Variants in HDAC9 observed in about 807,000 individuals in gnomAD.
HDAC9 encodes histone deacetylase 9, also known as MEF-2 interacting transcription repressor (MITR) protein.
HDAC9 carries 41 observed loss-of-function variants against 139.4 expected under a neutral mutation model. The ratio of observed to expected loss-of-function variants is 0.29; its 90% CI spans 0.23 to 0.38. The LOEUF is 0.38. Among genes scored for constraint, HDAC9 ranks in the 10% least tolerant of loss-of-function variants. The probability of loss-of-function intolerance (pLI) is 1.00; values close to 1 mark genes in which losing one functional copy is unlikely to be tolerated. For synonymous variants in HDAC9, 517 were observed against 476.2 expected, an observed-to-expected ratio of 1.09 and a Z score of -1.12; for missense variants, 1,147 against 1,297.0, an observed-to-expected ratio of 0.88 and a Z score of 1.78.
At chr7:18,176,515 A>G (rs934557428) in intron 2 of HDAC9, among the ~76,000 whole-genome samples, 6 of 152,304 alleles carry the variant, frequency 3.9e-5, no homozygotes, top group Admixed American at 1.3e-4. Flanking sequence ...TAACCCAGTG[A>G]CTGTTAACTA....
intron 22 of HDAC9, among the ~76,000 whole-genome samples, chr7:18,919,979 G>A (rs1219088422): frequency 6.6e-6 from 1 of 152,004 alleles, no homozygotes; most frequent in Non-Finnish European, 1.5e-5. Flanking sequence ...TGGCAATGCG[G>A]GCTCTTTTTT....
In HDAC9 at chr7:18,905,407, C is replaced by A. The variant is rs116508524; in HGVS notation, c.2804-30402C>A. Among the ~76,000 whole-genome samples, 1,385 of 152,306 alleles carry A rather than the reference C, an allele frequency of 9.1e-3. 27 individuals carry two copies. Among genetic ancestry groups the A allele is most frequent in the African/African-American group, 0.031 (1,309 of 41,566 alleles). On this transcript the variant is annotated intron_variant, in intron 22 of 25. Transcript: ENST00000686413. ...ATAAGCTAAATTCAAAGCTTCTTCA[C>A]GTAGATTTTTGAAAGTCCATTTTTC... is the stretch of plus-strand genomic sequence containing the variant.
Position 18,712,777 on chromosome 7 carries a change from G to T in HDAC9, c.1732-14803G>T, listed in dbSNP as rs74654451. Among the ~76,000 whole-genome samples the T allele has an allele frequency of 2.9e-3, 447 of 152,220 alleles. 5 individuals carry two copies. The highest frequency in any genetic ancestry group is 0.022 in the Admixed American group (330 of 15,292). The stretch of plus-strand genomic sequence containing the variant: ...AGTATAATTTTGAATAGCAATGTTT[G>T]ATACTTTACAAATTATAATAGCATG... On this transcript the variant is annotated intron_variant, in intron 12 of 25. Transcript: ENST00000686413.
chr7:18,123,346 A>G (rs1744840035), intron 1 of HDAC9, among the ~76,000 whole-genome samples: 1 of 152,204 alleles, frequency 6.6e-6, no homozygotes, highest in African/African-American at 2.4e-5. Flanking sequence ...ACAAATATGT[A>G]ACCCCCCGAT....
chr7:18,220,157 T>A (rs571548173), intron 2 of HDAC9, among the ~76,000 whole-genome samples: 1 of 152,260 alleles, frequency 6.6e-6, no homozygotes, highest in African/African-American at 2.4e-5. Context: ...CATAACAAAA[T>A]GAAAAATTCA....
intron 24 of HDAC9, among the ~76,000 whole-genome samples, chr7:18,962,115 T>A (rs6461397): frequency 0.8 from 121,137 of 152,136 alleles, 48,436 homozygotes; most frequent in South Asian, 0.83. Context: ...TGTAAAATAC[T>A]TCTAATCAGA....
In HDAC9 at chr7:18,982,741, A is replaced by C. The variant is rs1045606653; in HGVS notation, c.3170+6788A>C. Among the ~76,000 whole-genome samples the C allele has an allele frequency of 2.0e-5, 3 of 152,202 alleles. No homozygotes were observed. The East Asian group carries it at 5.8e-4, about 29-fold the overall frequency. On this transcript the variant is annotated intron_variant, in intron 25 of 25. Coordinates refer to ENST00000686413, the MANE Select transcript of HDAC9 (RefSeq NM_178425.4). ...AAATGGAATCATGCGTGTGTACTGT[A>C]TTTCTTAATCTGACTTATTTCACCT...
At chr7:18,271,134 C>G (rs1174764545) in intron 2 of HDAC9, among the ~76,000 whole-genome samples, 2 of 151,992 alleles carry the variant, frequency 1.3e-5, no homozygotes, top group Non-Finnish European at 2.9e-5. Flanking sequence ...CACTATTATT[C>G]CTTGTGATTA....
intron 1 of HDAC9, among the ~76,000 whole-genome samples, chr7:18,362,314 A>G (rs1016675491): frequency 5.9e-5 from 9 of 152,116 alleles, no homozygotes; most frequent in African/African-American, 1.7e-4. Context: ...TAATTTCTCT[A>G]TATATTTGTG....
Position 18,964,277 on chromosome 7 carries a change from C to T in HDAC9, c.3022+10047C>T, listed in dbSNP as rs191463805. Among the ~76,000 whole-genome samples the T allele has an allele frequency of 1.0e-3, 156 of 152,250 alleles. 1 individual carries two copies. Among genetic ancestry groups the T allele is most frequent in the African/African-American group, 3.6e-3 (148 of 41,554 alleles). ...ATTTTTTCCTGCTATTCCTCTTTGACTACTTAACTCCTATACATACTTCAT... is the reference window on the plus strand; with the variant it reads ...ATTTTTTCCTGCTATTCCTCTTTGATTACTTAACTCCTATACATACTTCAT... On this transcript the variant is annotated intron_variant, in intron 24 of 25. Transcript: ENST00000686413.
intron 25 of HDAC9, among the ~76,000 whole-genome samples, chr7:18,990,831 C>G (rs1407938055): frequency 1.3e-5 from 2 of 152,238 alleles, no homozygotes; most frequent in Admixed American, 6.5e-5. Context: ...TCTGTCACCC[C>G]TTTGACTAGG....
chr7:18,425,981 A>G (rs1302766770), intron 1 of HDAC9, among the ~76,000 whole-genome samples: 3 of 152,204 alleles, frequency 2.0e-5, no homozygotes, highest in East Asian at 1.9e-4. Context: ...TTCACTTTGG[A>G]CATGACTGAG....
intron 22 of HDAC9, among the ~76,000 whole-genome samples, chr7:18,888,074 C>T (rs189653957): frequency 6.6e-5 from 10 of 152,298 alleles, no homozygotes; most frequent in Non-Finnish European, 1.2e-4. Context: ...CTTGGTAAAG[C>T]GCCATAAATT....
At chr7:18,241,891 G>A (rs1446696328) in intron 2 of HDAC9, among the ~76,000 whole-genome samples, 2 of 152,168 alleles carry the variant, frequency 1.3e-5, no homozygotes, top group African/African-American at 4.8e-5. Context: ...TATGAAGGAA[G>A]GTAAGATAGA....
At chr7:18,991,658 A>C (rs1236162849) in intron 25 of HDAC9, among the ~76,000 whole-genome samples, 2 of 151,912 alleles carry the variant, frequency 1.3e-5, no homozygotes, top group Non-Finnish European at 2.9e-5. Context: ...AAAAAAAAGA[A>C]GTCATCAGTG....
intron 11 of HDAC9, among the ~76,000 whole-genome samples, chr7:18,660,481 G>T (rs1320574229): frequency 1.3e-5 from 2 of 152,074 alleles, no homozygotes; most frequent in African/African-American, 4.8e-5. Context: ...AATTTTTTCA[G>T]AAACTTATGA....
At chr7:18,630,392 A>T (rs1484979772) in intron 7 of HDAC9, among the ~76,000 whole-genome samples, 1 of 152,084 alleles carries the variant, frequency 6.6e-6, no homozygotes, top group Non-Finnish European at 1.5e-5. Context: ...GTTTTAAAAA[A>T]ATTCTTTATT....
At chr7:18,878,584 G>C (rs952683049) in intron 22 of HDAC9, among the ~76,000 whole-genome samples, 13 of 152,120 alleles carry the variant, frequency 8.5e-5, no homozygotes, top group African/African-American at 2.7e-4. Context: ...AATAGACATA[G>C]AAAAGGCTTT....
At chr7:18,687,806 G>GT (rs1217051972) in intron 12 of HDAC9, among the ~76,000 whole-genome samples, 2 of 151,876 alleles carry the variant, frequency 1.3e-5, no homozygotes, top group Non-Finnish European at 3.0e-5. Context: ...ATTTTATTAT[G>GT]TTTTTTCACA....
Sources: gnomAD v4.1 joint callset for allele counts (sites outside exome capture counted in the v4.1 genomes callset) on GRCh38, gnomAD v4.1.1 for gene constraint, MANE v1.5 for transcripts, NCBI Gene and HGNC (gene_info 2026-07-23, HGNC 2026-07-21) for gene names.